Variants in NCKAP1 observed in about 807,000 individuals in gnomAD.
NCKAP1 encodes NCK associated protein 1, also known as nck-associated protein 1.
In NCKAP1, 21 loss-of-function variants were observed where a neutral mutation model predicts 151.2. The ratio of observed to expected loss-of-function variants is 0.14; its 90% CI spans 0.10 to 0.20. The LOEUF is 0.20. Ranked by LOEUF, NCKAP1 falls within the 10% of genes least tolerant of loss-of-function variation. NCKAP1 has a pLI of 1.00. For missense variants in NCKAP1, 933 were observed against 1,352.1 expected, an observed-to-expected ratio of 0.69 and a Z score of 4.86; for synonymous variants, 484 against 451.8, an observed-to-expected ratio of 1.07 and a Z score of -0.90.
Position 182,952,937 on chromosome 2 carries a change from T to G in NCKAP1, c.2373-14A>C. 1 of 1,603,982 alleles carries G rather than the reference T, an allele frequency of 6.2e-7. No individual in the cohort carries two copies. The highest frequency in any genetic ancestry group is 8.5e-7 in the Non-Finnish European group (1 of 1,176,484). On this transcript the variant is annotated splice_polypyrimidine_tract_variant and intron_variant, in intron 21 of 30. Coordinates refer to ENST00000361354, the MANE Select transcript of NCKAP1 (RefSeq NM_013436.5). Reference sequence around the variant, plus strand: ...GTTTCCAAATACCTAAGGAGAAACGTAAACTTATAACCGGAAGAAACTGCT... The same window carrying G: ...GTTTCCAAATACCTAAGGAGAAACGGAAACTTATAACCGGAAGAAACTGCT...
chr2:182,938,012 T>G (rs529754580), intron 24 of NCKAP1, among the ~76,000 whole-genome samples: 25 of 152,254 alleles, frequency 1.6e-4, no homozygotes, highest in Admixed American at 9.8e-4. Flanking sequence ...TGATTCCAAA[T>G]GACCCCGAGG....
chr2:183,037,812 G>A (rs1699133125), intron 1 of NCKAP1, among the ~76,000 whole-genome samples, 180 bp downstream of exon 1: 1 of 151,948 alleles, frequency 6.6e-6, no homozygotes, highest in Non-Finnish European at 1.5e-5. Flanking sequence ...ACAGGGAGAG[G>A]CGCCCGGGAC....
At chr2:183,001,409 A>AT (rs1260754540) in intron 6 of NCKAP1, among the ~76,000 whole-genome samples, 1 of 152,198 alleles carries the variant, frequency 6.6e-6, no homozygotes, top group African/African-American at 2.4e-5. Context: ...ACTATTTTTA[A>AT]TATCTCTTAA....
chr2:182,945,636 T>TGA (rs1697088593), intron 23 of NCKAP1, among the ~76,000 whole-genome samples: 1 of 152,154 alleles, frequency 6.6e-6, no homozygotes, highest in African/African-American at 2.4e-5. Context: ...TAGAAATGTT[T>TGA]CCTATCAAAA....
chr2:182,928,697 A>T, intron 28 of NCKAP1, 86 bp downstream of exon 28: 1 of 852,018 alleles, frequency 1.2e-6, no homozygotes, highest in Non-Finnish European at 1.8e-6. Flanking sequence ...ACTGCCAGTT[A>T]GTGGCAGAAC....
At chr2:182,939,518 G>C (rs560329220) in intron 24 of NCKAP1, among the ~76,000 whole-genome samples, 1 of 151,978 alleles carries the variant, frequency 6.6e-6, no homozygotes, top group African/African-American at 2.4e-5. Context: ...CCAGAGCAAG[G>C]CTCCGTCTCA....
At chr2:182,960,026 G>A (rs1697411643) in intron 18 of NCKAP1, among the ~76,000 whole-genome samples, 1 of 152,132 alleles carries the variant, frequency 6.6e-6, no homozygotes, top group African/African-American at 2.4e-5. Flanking sequence ...ACTTACAAGG[G>A]ACGTGAAGGA....
chr2:182,917,000 A>G lies in NCKAP1; in HGVS notation c.*8702T>C, dbSNP rs1306064548. 1.3e-5 allele frequency: 2 copies of G among 152,230 alleles called. No individual in the cohort carries two copies. The highest frequency in any genetic ancestry group is 2.9e-5 in the Non-Finnish European group (2 of 68,042). 9.4% of individuals were successfully genotyped at this position (152,230 alleles called of 1,614,324 possible). A position where few individuals can be genotyped will look rare whatever the true frequency, so the allele number is the denominator to read the frequency against. On this transcript the variant is annotated 3_prime_UTR_variant, in exon 31 of 31. Coordinates refer to ENST00000361354, the MANE Select transcript of NCKAP1 (RefSeq NM_013436.5). The stretch of plus-strand genomic sequence containing the variant: ...TAAAAGCCATGAAAAAACTCTTTGA[A>G]GGCAATTTTATAAGTGAAACCAAAT...
At chr2:182,988,804 G>C (rs1156453960) in intron 9 of NCKAP1, among the ~76,000 whole-genome samples, 1 of 151,932 alleles carries the variant, frequency 6.6e-6, no homozygotes, top group Non-Finnish European at 1.5e-5. Flanking sequence ...TGTTTTGAAA[G>C]GTCAGGTAAC....
At chr2:182,952,972 A>G in intron 21 of NCKAP1, 49 bp from the exon 22 acceptor site, 1 of 1,560,730 alleles carries the variant, frequency 6.4e-7, no homozygotes, top group Non-Finnish European at 8.7e-7. Context: ...TTAATTCAGA[A>G]TGTATCATGA....
chr2:182,917,203 T>A lies in NCKAP1; in HGVS notation c.*8499A>T, dbSNP rs993412725. The A allele has an allele frequency of 6.6e-6, 1 of 152,220 alleles. No individual in the cohort carries two copies. The highest frequency in any genetic ancestry group is 1.5e-5 in the Non-Finnish European group (1 of 68,040). The allele number at this position is 152,220 out of a possible 1,614,324, so 9.4% of individuals were successfully genotyped here. ...CTTAGGGAAACAAACTTGGAGAAGTTAAGTAATTTGTCCATAAGTGACAGA... is the reference window on the plus strand; with the variant it reads ...CTTAGGGAAACAAACTTGGAGAAGTAAAGTAATTTGTCCATAAGTGACAGA... On this transcript the variant is annotated 3_prime_UTR_variant, in exon 31 of 31. Transcript: ENST00000361354.
At chr2:182,972,473 GA>G (rs1006748751) in intron 15 of NCKAP1, among the ~76,000 whole-genome samples, 4 of 152,266 alleles carry the variant, frequency 2.6e-5, no homozygotes, top group African/African-American at 9.6e-5. Context: ...CTGCAGGTGG[GA>G]ATGTGAATTA....
chr2:182,936,110 T>A (rs1278134128), intron 24 of NCKAP1, among the ~76,000 whole-genome samples: 1 of 151,562 alleles, frequency 6.6e-6, no homozygotes, highest in Non-Finnish European at 1.5e-5. Context: ...TAAAAAAAAA[T>A]CAATCGGGTG....
intron 15 of NCKAP1, among the ~76,000 whole-genome samples, chr2:182,974,259 T>TA (rs1173365320): frequency 0.11 from 6,927 of 63,024 alleles, 282 homozygotes; most frequent in African/African-American, 0.17. Flanking sequence ...CTGTTGTCAC[T>TA]AAAAAAAAAA....
intron 8 of NCKAP1, among the ~76,000 whole-genome samples, chr2:182,993,855 A>C (rs1351457283): frequency 6.6e-6 from 1 of 152,196 alleles, no homozygotes; most frequent in Non-Finnish European, 1.5e-5. Flanking sequence ...GCATGAACCT[A>C]AAAGTTTAAA....
At chr2:182,986,549 A>G (rs1698060955) in intron 9 of NCKAP1, among the ~76,000 whole-genome samples, 1 of 152,218 alleles carries the variant, frequency 6.6e-6, no homozygotes, top group Non-Finnish European at 1.5e-5. Context: ...TGTAATTAAC[A>G]TCAGAAGTGA....
intron 6 of NCKAP1, among the ~76,000 whole-genome samples, chr2:183,001,666 G>A (rs933719392): frequency 6.6e-6 from 1 of 152,112 alleles, no homozygotes; most frequent in Non-Finnish European, 1.5e-5. Context: ...ACCCATTAGT[G>A]TGAGAACAGA....
At chr2:183,017,712 T>C (rs868336260) in intron 2 of NCKAP1, among the ~76,000 whole-genome samples, 1 of 152,032 alleles carries the variant, frequency 6.6e-6, no homozygotes, top group African/African-American at 2.4e-5. Flanking sequence ...TGTACTTAGT[T>C]GAAGCCACAG....
chr2:182,912,842 G>C lies in NCKAP1; in HGVS notation c.*12860C>G, dbSNP rs1230970910. On this transcript the variant is annotated 3_prime_UTR_variant, in exon 31 of 31. Coordinates refer to ENST00000361354, the MANE Select transcript of NCKAP1 (RefSeq NM_013436.5). ...CAGATCTCAAAACCAAAGAAAGATA[G>C]AGGAAGAAAGGAAGGAAGGAAGGAA... The C allele has an allele frequency of 4.3e-5, 1 of 23,350 alleles. No individual in the cohort carries two copies. Among genetic ancestry groups the C allele is most frequent in the Non-Finnish European group, 1.4e-4 (1 of 7,056 alleles). 1.4% of individuals were successfully genotyped at this position (23,350 alleles called of 1,614,324 possible).
Sources: allele counts gnomAD v4.1 joint callset (sites outside exome capture counted in the v4.1 genomes callset), GRCh38; gene constraint gnomAD v4.1.1; transcripts MANE v1.5; gene names NCBI Gene and HGNC (gene_info 2026-07-23, HGNC 2026-07-21).